The following TMEM131L variants were observed in gnomAD, a reference collection of about 807,000 sequenced individuals.
TMEM131L encodes the protein transmembrane 131 like, also known as transmembrane protein 131-like.
In TMEM131L, 54 loss-of-function variants were observed where a neutral mutation model predicts 192.2. That is an observed-to-expected ratio of 0.28 (90% CI 0.23 to 0.35). The LOEUF is 0.35. TMEM131L is among the 10% of genes least tolerant of loss of function. TMEM131L has a pLI of 1.00. For synonymous variants in TMEM131L, 701 were observed against 704.9 expected (o/e 0.99, Z 0.09); for missense variants, 1,888 against 1,972.9 (o/e 0.96, Z 0.82).
At chr4:153,585,672 G>A in intron 13 of TMEM131L, 61 bp downstream of exon 13, 1 of 1,135,546 alleles carries the variant, frequency 8.8e-7, no homozygotes, top group Non-Finnish European at 1.2e-6. Context: ...AAGGTCAGAT[G>A]CTGTGAAATT....
At chr4:153,510,792 G>C (rs2150069368) in intron 3 of TMEM131L, among the ~76,000 whole-genome samples, 1 of 152,130 alleles carries the variant, frequency 6.6e-6, no homozygotes. Flanking sequence ...ACTGAAGTGT[G>C]GGAGGATTGC....
intron 3 of TMEM131L, among the ~76,000 whole-genome samples, chr4:153,497,867 T>C (rs1343784369): frequency 2.1e-5 from 2 of 97,282 alleles, no homozygotes; most frequent in East Asian, 5.3e-4. Flanking sequence ...CTTTTTGTTA[T>C]GAAAAATTTC....
At chr4:153,539,492 ATTTTTTTTTTTTTT>A (rs750436196) in intron 3 of TMEM131L, among the ~76,000 whole-genome samples, 2 of 110,822 alleles carry the variant, frequency 1.8e-5, no homozygotes, top group African/African-American at 3.8e-5. Flanking sequence ...CAGAGGCTAG[ATTTTTTTTTTTTTT>A]TTTTTTTTTT....
intron 7 of TMEM131L, among the ~76,000 whole-genome samples, chr4:153,561,336 C>T (rs553556430): frequency 6.6e-6 from 1 of 152,104 alleles, no homozygotes; most frequent in Non-Finnish European, 1.5e-5. Context: ...GTTGTCTTTT[C>T]ATTTTCTTGA....
intron 25 of TMEM131L, among the ~76,000 whole-genome samples, chr4:153,611,639 CT>C (rs1732619504): frequency 6.6e-6 from 1 of 152,160 alleles, no homozygotes; most frequent in East Asian, 1.9e-4. Context: ...CCATTATCTC[CT>C]TTCCCCAGCC....
intron 12 of TMEM131L, 64 bp downstream of exon 12, chr4:153,584,995 A>G: frequency 7.9e-7 from 1 of 1,257,912 alleles, no homozygotes; most frequent in African/African-American, 1.5e-5. Flanking sequence ...CCCTCTAGAA[A>G]TGGTTTAAAA....
chr4:153,612,618 GA>G (rs1349066565), intron 26 of TMEM131L, among the ~76,000 whole-genome samples: 1 of 152,156 alleles, frequency 6.6e-6, no homozygotes, highest in Non-Finnish European at 1.5e-5. Context: ...ACTCTGAAGA[GA>G]ATCTGTTCTT....
intron 25 of TMEM131L, among the ~76,000 whole-genome samples, chr4:153,605,009 AT>A (rs774768822): frequency 6.6e-5 from 10 of 151,878 alleles, no homozygotes; most frequent in Non-Finnish European, 1.2e-4. Context: ...GGCCTAAATT[AT>A]TTTTTTTAGC....
chr4:153,470,029 CT>C (rs1003727736), intron 2 of TMEM131L, among the ~76,000 whole-genome samples: 2,684 of 142,386 alleles, frequency 0.019, 19 homozygotes, highest in Middle Eastern at 0.032. Flanking sequence ...TTGATTAAGT[CT>C]TTTTTTTTTT....
chr4:153,623,045 A>T lies in TMEM131L; in HGVS notation c.4007A>T (p.Lys1336Met). Reference protein sequence around the residue: ...WSSTSSSDGDKKPMVDAQHFL... With the variant: ...WSSTSSSDGDMKPMVDAQHFL... ...AGCACCAGCAGCTCCGACGGGGATA[A>T]GAAGCCCATGGTGGACGCCCAGCAC... The change falls in exon 29 of 35, where the codon AAG becomes ATG. Residue 1336 changes from lysine (K) to methionine (M), a missense_variant. Coordinates refer to ENST00000409959, the MANE Select transcript of TMEM131L (RefSeq NM_001131007.2). The T allele has an allele frequency of 6.2e-7, 1 of 1,613,158 alleles. No individual in the cohort carries two copies. The highest frequency in any genetic ancestry group is 8.5e-7 in the Non-Finnish European group (1 of 1,179,664).
chr4:153,559,584 C>T (rs1728712011), intron 7 of TMEM131L, among the ~76,000 whole-genome samples: 1 of 152,100 alleles, frequency 6.6e-6, no homozygotes, highest in African/African-American at 2.4e-5. Flanking sequence ...TCCTAGAGAG[C>T]TAGAACAGCG....
At chr4:153,581,697 A>G in intron 9 of TMEM131L, 137 bp downstream of exon 9, 3 of 522,690 alleles carry the variant, frequency 5.7e-6, no homozygotes, top group Middle Eastern at 5.5e-4. Flanking sequence ...TTGTAGTAGT[A>G]ACTGGTTCTC....
chr4:153,604,880 A>G (rs74554100), intron 25 of TMEM131L, among the ~76,000 whole-genome samples: 1 of 151,888 alleles, frequency 6.6e-6, no homozygotes, highest in East Asian at 1.9e-4. Context: ...AATTTTTGTA[A>G]TTTTAGTAGA....
intron 3 of TMEM131L, among the ~76,000 whole-genome samples, chr4:153,547,733 G>T (rs879362848): frequency 1.8e-4 from 28 of 152,322 alleles, no homozygotes; most frequent in Admixed American, 1.2e-3. Flanking sequence ...AGACTGCATC[G>T]GTTCCTTGGA....
intron 34 of TMEM131L, 68 bp downstream of exon 34, chr4:153,635,639 T>C: frequency 6.4e-7 from 1 of 1,569,374 alleles, no homozygotes; most frequent in Non-Finnish European, 8.7e-7. Context: ...GCTTCCTTAA[T>C]CCTGGTCTCA....
intron 16 of TMEM131L, among the ~76,000 whole-genome samples, chr4:153,589,983 T>G (rs545889553): frequency 6.6e-6 from 1 of 152,392 alleles, no homozygotes; most frequent in South Asian, 2.1e-4. Context: ...TATTTTCTTA[T>G]GTATAACTAT....
At chr4:153,468,102 G>T (rs932823666) in intron 2 of TMEM131L, among the ~76,000 whole-genome samples, 2 of 152,192 alleles carry the variant, frequency 1.3e-5, no homozygotes, top group African/African-American at 2.4e-5. Context: ...TCCCACGGTG[G>T]TGGCAGCACT....
In TMEM131L at chr4:153,501,781, G is replaced by A. The variant is rs990898384; in HGVS notation, c.239+27893G>A. Among the ~76,000 whole-genome samples the A allele has an allele frequency of 3.3e-5, 5 of 151,976 alleles. No homozygotes were observed. In the East Asian group the frequency reaches 9.7e-4, roughly 29 times the overall value. On this transcript the variant is annotated intron_variant, in intron 3 of 34. Coordinates refer to ENST00000409959, the MANE Select transcript of TMEM131L (RefSeq NM_001131007.2). ...AGGGCAGGCCAGGACTGAGGTGACA[G>A]CTTCATAATCATCAAGGCCATGCCT...
intron 4 of TMEM131L, among the ~76,000 whole-genome samples, chr4:153,550,484 G>A (rs190339518): frequency 0.014 from 2,089 of 151,890 alleles, 55 homozygotes; most frequent in African/African-American, 0.048. Flanking sequence ...CCGCCACCAC[G>A]CCCGGCTAAT....
Sources: allele counts gnomAD v4.1 joint callset (sites outside exome capture counted in the v4.1 genomes callset), GRCh38; gene constraint gnomAD v4.1.1; transcripts MANE v1.5; gene names NCBI Gene and HGNC (gene_info 2026-07-23, HGNC 2026-07-21).